Variants in GLIS1 observed in about 807,000 individuals in gnomAD.
The protein encoded by GLIS1 is GLIS family zinc finger 1, also known as zinc finger protein GLIS1.
GLIS1 carries 24 observed loss-of-function variants against 63.8 expected under a neutral mutation model. The observed-to-expected ratio is 0.38, with a 90% CI of 0.27 to 0.53. The LOEUF is 0.53. Among genes scored for constraint, GLIS1 ranks in the 20% least tolerant of loss-of-function variants. GLIS1 has a pLI of 0.85. For synonymous variants in GLIS1, 450 were observed against 482.5 expected (o/e 0.93, Z 0.88); for missense variants, 1,036 against 1,074.1 (o/e 0.96, Z 0.50).
At position 53,524,896 on chromosome 1, in the gene GLIS1, T is replaced by C. The variant is rs972599178; in HGVS notation, c.1483-9A>G. The C allele has an allele frequency of 3.8e-6, 6 of 1,574,078 alleles. No individual in the cohort carries two copies. The highest frequency in any genetic ancestry group is 1.7e-4 in the Middle Eastern group (1 of 5,948). ...TGACAGGCGTACGGCTTCTGTAACA[T>C]GGGGGGCACGGGTGGGGTGAGTGAG... On this transcript the variant is annotated splice_polypyrimidine_tract_variant and intron_variant, in intron 5 of 10. Transcript: ENST00000628545.
chr1:53,507,428 G>A (rs534949762), intron 10 of GLIS1, among the ~76,000 whole-genome samples: 5 of 152,240 alleles, frequency 3.3e-5, no homozygotes, highest in Admixed American at 2.0e-4. Context: ...CTCTTCCACC[G>A]GACATGCTGT....
rs569495531 is a variant in GLIS1 at position 53,726,685 on chromosome 1, C to G, written c.259+11121G>C. ...GCCAGGACCTGTCAGAGAGATGCAC[C>G]GAGGCAGCCCACACCCTCCTCCCTC... On this transcript the variant is annotated intron_variant, in intron 2 of 10. Coordinates refer to ENST00000628545, the MANE Select transcript of GLIS1 (RefSeq NM_001367484.1). 8.5e-5 allele frequency among the ~76,000 whole-genome samples: 13 copies of G among 152,122 alleles called. No individual in the cohort carries two copies. The South Asian group carries it at 1.2e-3, about 15-fold the overall frequency.
At chr1:53,629,479 G>A (rs938168062) in intron 2 of GLIS1, among the ~76,000 whole-genome samples, 12 of 152,202 alleles carry the variant, frequency 7.9e-5, no homozygotes, top group Non-Finnish European at 1.2e-4. Context: ...GAAATGAACA[G>A]CATGAGATGG....
chr1:53,559,533 C>T (rs576749292), intron 4 of GLIS1, among the ~76,000 whole-genome samples: 2 of 152,294 alleles, frequency 1.3e-5, no homozygotes, highest in South Asian at 2.1e-4. Flanking sequence ...TGATGATTGG[C>T]GAACTCCTGC....
At chr1:53,595,300 TG>T (rs1645243468) in intron 3 of GLIS1, among the ~76,000 whole-genome samples, 1 of 152,130 alleles carries the variant, frequency 6.6e-6, no homozygotes, top group South Asian at 2.1e-4. Flanking sequence ...GAGGACTGCT[TG>T]AGTCCAGGAG....
At chr1:53,566,983 A>T (rs2100454116) in intron 4 of GLIS1, among the ~76,000 whole-genome samples, 1 of 152,354 alleles carries the variant, frequency 6.6e-6, no homozygotes, top group East Asian at 1.9e-4. Flanking sequence ...GATACCTGAA[A>T]ATGTGGAAAC....
At chr1:53,573,314 C>T (rs1187247054) in intron 4 of GLIS1, among the ~76,000 whole-genome samples, 2 of 152,102 alleles carry the variant, frequency 1.3e-5, no homozygotes, top group African/African-American at 4.8e-5. Context: ...CAATAGCTTT[C>T]TCCCTCTAAG....
chr1:53,516,149 C>T (rs2100275946), intron 7 of GLIS1, among the ~76,000 whole-genome samples: 1 of 152,186 alleles, frequency 6.6e-6, no homozygotes, highest in South Asian at 2.1e-4. Context: ...TTCTGATTGG[C>T]CAGTGTGCAC....
intron 2 of GLIS1, among the ~76,000 whole-genome samples, chr1:53,692,533 T>C (rs2100464153): frequency 6.6e-6 from 1 of 152,370 alleles, no homozygotes; most frequent in East Asian, 1.9e-4. Flanking sequence ...CAGCCTTGCC[T>C]GGTGGGTGCC....
rs182394147 is a variant in GLIS1 at position 53,697,930 on chromosome 1, C to T, written c.259+39876G>A. 2.8e-3 allele frequency among the ~76,000 whole-genome samples: 434 copies of T among 152,292 alleles called. 3 individuals are homozygous for T. Among genetic ancestry groups the T allele is most frequent in the Non-Finnish European group, 2.3e-3 (157 of 68,034 alleles). On this transcript the variant is annotated intron_variant, in intron 2 of 10. Coordinates refer to ENST00000628545, the MANE Select transcript of GLIS1 (RefSeq NM_001367484.1). Reference sequence around the variant, plus strand: ...TACAACGAACACTCTATGTAAAATACAAGGACGTGTATTGGGATGGGGACA... The same window carrying T: ...TACAACGAACACTCTATGTAAAATATAAGGACGTGTATTGGGATGGGGACA...
At chr1:53,528,112 G>A (rs1021827059) in intron 5 of GLIS1, among the ~76,000 whole-genome samples, 34 of 152,316 alleles carry the variant, frequency 2.2e-4, no homozygotes, top group Non-Finnish European at 2.8e-4. Flanking sequence ...GGCACAGAGC[G>A]TGCCTCTCAG....
At chr1:53,649,382 C>T (rs1337976235) in intron 2 of GLIS1, among the ~76,000 whole-genome samples, 1 of 152,196 alleles carries the variant, frequency 6.6e-6, no homozygotes, top group Non-Finnish European at 1.5e-5. Context: ...ATTGGGTGAG[C>T]TCAAGTGTTG....
At chr1:53,563,242 A>G (rs1644908334) in intron 4 of GLIS1, among the ~76,000 whole-genome samples, 1 of 152,270 alleles carries the variant, frequency 6.6e-6, no homozygotes, top group Non-Finnish European at 1.5e-5. Flanking sequence ...GAGGCTCTGC[A>G]GAAGCAATGA....
intron 2 of GLIS1, among the ~76,000 whole-genome samples, chr1:53,649,272 G>A (rs971437656): frequency 3.9e-5 from 6 of 152,282 alleles, no homozygotes; most frequent in Admixed American, 2.0e-4. Flanking sequence ...ACCATTTGCC[G>A]TTCACAGAAA....
At chr1:53,541,027 C>T (rs888554796) in intron 4 of GLIS1, among the ~76,000 whole-genome samples, 3 of 152,212 alleles carry the variant, frequency 2.0e-5, no homozygotes, top group African/African-American at 7.2e-5. Context: ...GGGCAGTGTT[C>T]AGCACCAGGC....
chr1:53,531,331 G>A (rs938695577), intron 4 of GLIS1, among the ~76,000 whole-genome samples: 3 of 152,234 alleles, frequency 2.0e-5, no homozygotes, highest in African/African-American at 7.2e-5. Flanking sequence ...GGTGGCCAAG[G>A]ATGAGCTGGT....
intron 4 of GLIS1, among the ~76,000 whole-genome samples, chr1:53,588,300 C>A (rs948739765): frequency 6.6e-6 from 1 of 152,222 alleles, no homozygotes; most frequent in Non-Finnish European, 1.5e-5. Context: ...TTCATCTCTG[C>A]ACCCCCAGCT....
chr1:53,604,124 A>C (rs1267194721), intron 2 of GLIS1, among the ~76,000 whole-genome samples: 2 of 152,256 alleles, frequency 1.3e-5, no homozygotes, highest in African/African-American at 4.8e-5. Flanking sequence ...CCTAGCTCAC[A>C]GTTAGTGCTT....
chr1:53,565,510 A>G (rs886179046), intron 4 of GLIS1, among the ~76,000 whole-genome samples: 3 of 152,104 alleles, frequency 2.0e-5, no homozygotes, highest in Non-Finnish European at 4.4e-5. Flanking sequence ...AGGCACAAAA[A>G]AAGGAATAAT....
Sources: gnomAD v4.1 joint callset for allele counts (sites outside exome capture counted in the v4.1 genomes callset) on GRCh38, gnomAD v4.1.1 for gene constraint, MANE v1.5 for transcripts, NCBI Gene and HGNC (gene_info 2026-07-23, HGNC 2026-07-21) for gene names.